The following NEIL2 variants were observed in gnomAD, a reference collection of about 807,000 sequenced individuals.
The protein encoded by NEIL2 is endonuclease 8-like 2.
In NEIL2, 23 loss-of-function variants were observed where a neutral mutation model predicts 22.2. The ratio of observed to expected loss-of-function variants is 1.04; its 90% CI spans 0.75 to 1.47. NEIL2 has a LOEUF of 1.47. Among genes scored for constraint, NEIL2 ranks in the 40% most tolerant of loss-of-function variants. The pLI is 0.00. For missense variants in NEIL2, 583 were observed against 404.7 expected, an observed-to-expected ratio of 1.44 and a Z score of -3.78; for synonymous variants, 229 against 164.8, an observed-to-expected ratio of 1.39 and a Z score of -2.99.
chr8:11,773,517 G>C (rs1001738121), intron 2 of NEIL2, among the ~76,000 whole-genome samples: 3 of 152,154 alleles, frequency 2.0e-5, no homozygotes, highest in Non-Finnish European at 4.4e-5. Context: ...CATCATAAAG[G>C]CCCAGGTAAT....
At chr8:11,772,423 CT>C (rs1803537402) in intron 2 of NEIL2, among the ~76,000 whole-genome samples, 1 of 152,180 alleles carries the variant, frequency 6.6e-6, no homozygotes. Flanking sequence ...GCACTTCTTC[CT>C]TTTTCTCCCA....
At chr8:11,772,722 G>C (rs1018846937) in intron 2 of NEIL2, among the ~76,000 whole-genome samples, 1 of 152,222 alleles carries the variant, frequency 6.6e-6, no homozygotes, top group African/African-American at 2.4e-5. Flanking sequence ...GGTGGTGCCT[G>C]TGGATGAGCT....
At chr8:11,779,545 C>A in intron 2 of NEIL2, 53 bp from the exon 3 acceptor site, 2 of 1,357,152 alleles carry the variant, frequency 1.5e-6, no homozygotes, top group Non-Finnish European at 2.1e-6. Context: ...TCCGCATTCC[C>A]CAGTTCCCCT....
chr8:11,781,498 G>A (rs942154255), intron 3 of NEIL2, among the ~76,000 whole-genome samples: 1 of 152,222 alleles, frequency 6.6e-6, no homozygotes, highest in African/African-American at 2.4e-5. Context: ...CAGCAAACCT[G>A]TCATCATCAG....
chr8:11,776,221 G>C (rs897700584), intron 2 of NEIL2, among the ~76,000 whole-genome samples: 4 of 152,242 alleles, frequency 2.6e-5, no homozygotes, highest in Non-Finnish European at 5.9e-5. Flanking sequence ...GCAAGAAAGA[G>C]CATGTGCAGG....
At chr8:11,777,814 A>G (rs1256427928) in intron 2 of NEIL2, among the ~76,000 whole-genome samples, 1 of 152,280 alleles carries the variant, frequency 6.6e-6, no homozygotes, top group Non-Finnish European at 1.5e-5. Flanking sequence ...TGGAGCCTGG[A>G]AAGTCCAAGG....
In NEIL2 at chr8:11,780,045, A is replaced by T. The variant is rs1804277338; in HGVS notation, c.491+95A>T. The T allele has an allele frequency of 2.6e-5, 28 of 1,082,224 alleles. 1 individual carries two copies. The South Asian group carries it at 3.5e-4, about 14-fold the overall frequency. The allele number at this position is 1,082,224 out of a possible 1,614,324, so 67.0% of individuals were successfully genotyped here. ...CTTCAGCAGTGGGGACATACTGAGG[A>T]CGTCCAGTCTGCCCCCCAGGGCCCT... On this transcript the variant is annotated intron_variant, in intron 3 of 4. Coordinates refer to ENST00000284503, the MANE Select transcript of NEIL2 (RefSeq NM_145043.4).
At chr8:11,773,417 C>T (rs779964272) in intron 2 of NEIL2, among the ~76,000 whole-genome samples, 1 of 152,160 alleles carries the variant, frequency 6.6e-6, no homozygotes, top group Admixed American at 6.6e-5. Context: ...GGGTCCCTGA[C>T]CCTAGGAACT....
At chr8:11,773,852 C>G (rs981509885) in intron 2 of NEIL2, among the ~76,000 whole-genome samples, 3 of 152,188 alleles carry the variant, frequency 2.0e-5, no homozygotes, top group Non-Finnish European at 2.9e-5. Flanking sequence ...TGGTTTTCTC[C>G]TCCTCCAGTA....
intron 2 of NEIL2, among the ~76,000 whole-genome samples, chr8:11,772,767 A>AAG (rs1312508065): frequency 6.6e-6 from 1 of 152,168 alleles, no homozygotes; most frequent in African/African-American, 2.4e-5. Context: ...GTGTGCTCTT[A>AAG]AGCATGTTCA....
intron 2 of NEIL2, among the ~76,000 whole-genome samples, chr8:11,771,843 C>T (rs1803476897): frequency 6.6e-6 from 1 of 152,206 alleles, no homozygotes; most frequent in African/African-American, 2.4e-5. Context: ...TTCTCTCCGG[C>T]CGCAGCTGAT....
chr8:11,780,394 T>C (rs1198312629), intron 3 of NEIL2, among the ~76,000 whole-genome samples: 1 of 152,208 alleles, frequency 6.6e-6, no homozygotes, highest in Non-Finnish European at 1.5e-5. Flanking sequence ...TTTTGCTTTG[T>C]TTTGAGACGG....
At chr8:11,777,298 A>C (rs922345002) in intron 2 of NEIL2, among the ~76,000 whole-genome samples, 6 of 151,762 alleles carry the variant, frequency 4.0e-5, no homozygotes, top group Non-Finnish European at 7.4e-5. Flanking sequence ...TGGCCTAGCC[A>C]CACTTTTCTC....
chr8:11,773,088 G>C (rs1040523525), intron 2 of NEIL2, among the ~76,000 whole-genome samples: 5 of 152,186 alleles, frequency 3.3e-5, no homozygotes, highest in African/African-American at 1.2e-4. Flanking sequence ...AGAGCACGGG[G>C]TCCCATGGCC....
chr8:11,775,489 G>C (rs1803834724), intron 2 of NEIL2, among the ~76,000 whole-genome samples: 1 of 152,190 alleles, frequency 6.6e-6, no homozygotes, highest in South Asian at 2.1e-4. Context: ...CTGCTGTGAA[G>C]GTCTCTGACA....
chr8:11,775,691 C>G (rs895067846), intron 2 of NEIL2, among the ~76,000 whole-genome samples: 1 of 152,198 alleles, frequency 6.6e-6, no homozygotes, highest in Non-Finnish European at 1.5e-5. Context: ...TTAGAAATTT[C>G]TTTCACCAGA....
chr8:11,786,563 G>T lies in NEIL2; in HGVS notation c.*290G>T. 1 of 485,888 alleles carries T rather than the reference G, an allele frequency of 2.1e-6. No homozygotes were observed. The allele number at this position is 485,888 out of a possible 1,614,324, so 30.1% of individuals were successfully genotyped here. A position where few individuals can be genotyped will look rare whatever the true frequency, so the allele number is the denominator to read the frequency against. On this transcript the variant is annotated 3_prime_UTR_variant, in exon 5 of 5. Coordinates refer to ENST00000284503, the MANE Select transcript of NEIL2 (RefSeq NM_145043.4). ...GGGAAAACTTCCCGGAAGGCAATGGGGCAAGGAAAAAGAAAGCCTATGGGA... is the reference window on the plus strand; with the variant it reads ...GGGAAAACTTCCCGGAAGGCAATGGTGCAAGGAAAAAGAAAGCCTATGGGA...
chr8:11,786,139 G>A lies in NEIL2; in HGVS notation c.865G>A (p.Glu289Lys). The change falls in exon 5 of 5, where the codon GAA (glutamate) becomes AAA (lysine). Residue 289 changes from glutamate to lysine, a missense_variant. By Grantham distance (56) the Glu-to-Lys change is moderately conservative. Coordinates refer to ENST00000284503, the MANE Select transcript of NEIL2 (RefSeq NM_145043.4). ...RPQHTQVYQKEQCPAGHQVMK... is the reference protein window; with the variant it reads ...RPQHTQVYQKKQCPAGHQVMK... Reference sequence around the variant, plus strand: ...GCAGCACACACAGGTCTACCAGAAAGAACAGTGCCCTGCTGGCCACCAGGT... The same window carrying A: ...GCAGCACACACAGGTCTACCAGAAAAAACAGTGCCCTGCTGGCCACCAGGT... 6.2e-7 allele frequency: 1 copy of A among 1,614,082 alleles called. No individual in the cohort carries two copies. The highest frequency in any genetic ancestry group is 8.5e-7 in the Non-Finnish European group (1 of 1,180,014).
At chr8:11,782,922 T>G (rs2130527265) in intron 3 of NEIL2, 2 of 502,752 alleles carry the variant, frequency 4.0e-6, no homozygotes, top group Middle Eastern at 1.1e-3. Context: ...GGGATGTGTG[T>G]ATGTGTGTAT....
Sources: allele counts gnomAD v4.1 joint callset (sites outside exome capture counted in the v4.1 genomes callset), GRCh38; gene constraint gnomAD v4.1.1; transcripts MANE v1.5; gene names NCBI Gene and HGNC (gene_info 2026-07-23, HGNC 2026-07-21).